The following PLB1 variants were observed in gnomAD, a reference collection of about 807,000 sequenced individuals.
PLB1 encodes the protein phospholipase B1.
In PLB1, 242 loss-of-function variants were observed where a neutral mutation model predicts 227.4. That is an observed-to-expected ratio of 1.06 (90% CI 0.96 to 1.18). PLB1 has a LOEUF of 1.18. PLB1 is among the 50% of genes most tolerant of loss of function. PLB1 has a pLI of 0.00. For missense variants in PLB1, 1,858 were observed against 1,816.3 expected, an observed-to-expected ratio of 1.02 and a Z score of -0.42; for synonymous variants, 757 against 682.2, an observed-to-expected ratio of 1.11 and a Z score of -1.71.
At chr2:28,561,908 G>A (rs1481225690) in intron 17 of PLB1, among the ~76,000 whole-genome samples, 2 of 108,718 alleles carry the variant, frequency 1.8e-5, no homozygotes, top group East Asian at 5.8e-4. Flanking sequence ...AAAATAAAAT[G>A]AATGTATTGA....
chr2:28,580,550 A>G (rs1679751751), intron 23 of PLB1, among the ~76,000 whole-genome samples: 1 of 152,170 alleles, frequency 6.6e-6, no homozygotes, highest in Admixed American at 6.5e-5. Flanking sequence ...CCCTGTCTCT[A>G]CAAAAATACA....
At chr2:28,633,930 G>A (rs1688995057) in intron 56 of PLB1, among the ~76,000 whole-genome samples, 1 of 152,112 alleles carries the variant, frequency 6.6e-6, no homozygotes, top group Middle Eastern at 3.2e-3. Flanking sequence ...CACAGTTTCA[G>A]GCCCATAGTG....
At chr2:28,501,962 G>A (rs1667153022) in intron 1 of PLB1, among the ~76,000 whole-genome samples, 1 of 152,114 alleles carries the variant, frequency 6.6e-6, no homozygotes, top group South Asian at 2.1e-4. Context: ...GCTTATGCTA[G>A]GCTATACATC....
In PLB1 at chr2:28,589,433, C is replaced by T. The variant is rs370365342; in HGVS notation, c.1816-17C>T. ...CAGAGAGGACTGCCTGACATCTGTCCCCTTTTCCTCCTGCAGGAGAAGACC... is the reference window on the plus strand; with the variant it reads ...CAGAGAGGACTGCCTGACATCTGTCTCCTTTTCCTCCTGCAGGAGAAGACC... On this transcript the variant is annotated splice_polypyrimidine_tract_variant and intron_variant, in intron 26 of 57. Transcript: ENST00000327757. The T allele has an allele frequency of 6.2e-7, 1 of 1,603,306 alleles. No homozygotes were observed. Among genetic ancestry groups the T allele is most frequent in the East Asian group, 2.2e-5 (1 of 44,840 alleles).
intron 57 of PLB1, 48 bp from the exon 58 acceptor site, chr2:28,642,810 G>C: frequency 6.7e-7 from 1 of 1,486,810 alleles, no homozygotes; most frequent in Non-Finnish European, 9.2e-7. Context: ...CTTGGTGATG[G>C]ATGGTTCACG....
chr2:28,620,586 T>C lies in PLB1; in HGVS notation c.3384-14T>C. 1.2e-6 allele frequency: 2 copies of C among 1,611,090 alleles called. No homozygotes were observed. Among genetic ancestry groups the C allele is most frequent in the Non-Finnish European group, 1.7e-6 (2 of 1,178,752 alleles). On this transcript the variant is annotated splice_polypyrimidine_tract_variant and intron_variant, in intron 47 of 57. Transcript: ENST00000327757. ...GTTGGTGTGAGTTTAACAAATATGC[T>C]TTCTCCTCCCCAGCATTGGAGGGGA...
chr2:28,640,259 G>T lies in PLB1; in HGVS notation c.4099-668G>T, dbSNP rs1345983695. On this transcript the variant is annotated intron_variant, in intron 56 of 57. Coordinates refer to ENST00000327757, the MANE Select transcript of PLB1 (RefSeq NM_153021.5). ...TCTTCTCAGTGCTGGCCACAGGTTG[G>T]GCCTGGCTGCTGGCTAAAAGGTGCC... Among the ~76,000 whole-genome samples, 5 of 152,208 alleles carry T rather than the reference G, an allele frequency of 3.3e-5. 2 individuals carry two copies. The highest frequency in any genetic ancestry group is 7.3e-5 in the Non-Finnish European group (5 of 68,040).
chr2:28,522,554 C>T (rs1484224232), intron 4 of PLB1, among the ~76,000 whole-genome samples: 1 of 152,218 alleles, frequency 6.6e-6, no homozygotes, highest in Admixed American at 6.5e-5. Flanking sequence ...GTGGGACACA[C>T]TTGCCACAGG....
chr2:28,641,962 C>T (rs528716325), intron 57 of PLB1, among the ~76,000 whole-genome samples: 1 of 152,134 alleles, frequency 6.6e-6, no homozygotes, highest in African/African-American at 2.4e-5. Flanking sequence ...CACTCCTGGC[C>T]GGTGGATCCA....
intron 10 of PLB1, among the ~76,000 whole-genome samples, chr2:28,538,680 G>A (rs1672050030): frequency 6.6e-6 from 1 of 152,146 alleles, no homozygotes; most frequent in African/African-American, 2.4e-5. Flanking sequence ...AAGATGGAGG[G>A]GGCCTGAGGA....
At chr2:28,505,870 G>A (rs549396609) in intron 1 of PLB1, among the ~76,000 whole-genome samples, 2 of 152,248 alleles carry the variant, frequency 1.3e-5, no homozygotes, top group East Asian at 1.9e-4. Flanking sequence ...AGCCATCCCC[G>A]AATCTCTGGT....
rs759626031 is a variant in PLB1, at chr2:28,579,657, A to G, written c.1516A>G (p.Ile506Val). ...ACACTTTCAGGAAGACTGGAAGATAATAACCCTGTTTATAGGCGGCAATGA... is the reference window on the plus strand; with the variant it reads ...ACACTTTCAGGAAGACTGGAAGATAGTAACCCTGTTTATAGGCGGCAATGA... ...RIHFQEDWKI[I>V]TLFIGGNDLC... Residue 506 changes from isoleucine to valine, a missense_variant, in exon 23 of 58, where the codon ATA becomes GTA. Coordinates refer to ENST00000327757, the MANE Select transcript of PLB1 (RefSeq NM_153021.5). The G allele has an allele frequency of 1.9e-6, 3 of 1,613,360 alleles. No homozygotes were observed. The highest frequency in any genetic ancestry group is 2.5e-6 in the Non-Finnish European group (3 of 1,179,380).
chr2:28,511,952 C>CTTT (rs35941185), intron 1 of PLB1, among the ~76,000 whole-genome samples: 4 of 131,416 alleles, frequency 3.0e-5, no homozygotes, highest in African/African-American at 8.4e-5. Flanking sequence ...GCCTGGCTAA[C>CTTT]TTTTTTTTTT....
chr2:28,589,705 CCTGA>C lies in PLB1; in HGVS notation c.1955_1958del (p.Asp652ValfsTer49), dbSNP rs762290351. On this transcript the variant is annotated frameshift_variant, in exon 28 of 58. Coordinates refer to ENST00000327757, the MANE Select transcript of PLB1 (RefSeq NM_153021.5). LOFTEE classifies it high-confidence loss of function. The stretch of plus-strand genomic sequence containing the variant: ...ATTGCCTGACAACTCTTTCTTCGCT[CCTGA>C]CTGTTTCCACTTCAGCAGCAAGTCT... 6.2e-6 allele frequency: 10 copies of C among 1,613,962 alleles called. No homozygotes were observed. Among genetic ancestry groups the C allele is most frequent in the African/African-American group, 1.3e-5 (1 of 74,912 alleles).
intron 17 of PLB1, among the ~76,000 whole-genome samples, chr2:28,554,511 TTTTTTTTAA>T (rs1674742318): frequency 9.7e-6 from 1 of 103,438 alleles, no homozygotes; most frequent in Non-Finnish European, 2.2e-5. Flanking sequence ...TTTTTTTTTT[TTTTTTTTAA>T]GAGATGGGGT....
At chr2:28,500,949 C>T (rs1016358795) in intron 1 of PLB1, among the ~76,000 whole-genome samples, 2 of 152,086 alleles carry the variant, frequency 1.3e-5, no homozygotes, top group Non-Finnish European at 2.9e-5. Flanking sequence ...CCCTGCTAAC[C>T]TTGTATTTCC....
intron 49 of PLB1, 45 bp from the exon 50 acceptor site, chr2:28,625,012 G>A (rs544654479): frequency 7.0e-5 from 111 of 1,584,802 alleles, no homozygotes; most frequent in East Asian, 3.8e-4. Context: ...GTGAGTCCTC[G>A]CTCCTGAGCC....
At chr2:28,538,871 C>T (rs1672075849) in intron 10 of PLB1, among the ~76,000 whole-genome samples, 2 of 152,252 alleles carry the variant, frequency 1.3e-5, no homozygotes, top group East Asian at 1.9e-4. Context: ...GGAGGCGCCC[C>T]GCCCACCGTG....
intron 2 of PLB1, among the ~76,000 whole-genome samples, chr2:28,517,307 T>A (rs1668969747): frequency 6.6e-6 from 1 of 152,210 alleles, no homozygotes; most frequent in African/African-American, 2.4e-5. Flanking sequence ...ATCACCTCAT[T>A]TACTGCATGT....
Sources: gnomAD v4.1 joint callset for allele counts (sites outside exome capture counted in the v4.1 genomes callset) on GRCh38, gnomAD v4.1.1 for gene constraint, MANE v1.5 for transcripts, NCBI Gene and HGNC (gene_info 2026-07-23, HGNC 2026-07-21) for gene names.